The following TAMM41 variants were observed in gnomAD, a reference collection of about 807,000 sequenced individuals.
TAMM41 encodes the protein TAM41 mitochondrial translocator assembly and maintenance homolog.
Under a neutral mutation model 44.1 loss-of-function variants are expected in TAMM41, and 36 were observed. That is an observed-to-expected ratio of 0.82 (90% CI 0.63 to 1.08). The LOEUF (loss-of-function observed/expected upper bound fraction) is 1.08. Ranked by LOEUF, TAMM41 falls within the 50% of genes least tolerant of loss-of-function variation. The pLI, the probability that TAMM41 is intolerant of heterozygous loss-of-function variation, is 0.00. For missense variants in TAMM41, 417 were observed against 404.3 expected, an observed-to-expected ratio of 1.03 and a Z score of -0.27; for synonymous variants, 164 against 153.1, an observed-to-expected ratio of 1.07 and a Z score of -0.53.
Position 11,836,639 on chromosome 3 carries a change from T to C in TAMM41, c.411+2583A>G, listed in dbSNP as rs1206946150. Among the ~76,000 whole-genome samples, 5 of 152,034 alleles carry C rather than the reference T, an allele frequency of 3.3e-5. No homozygotes were observed. In the East Asian group the frequency reaches 7.7e-4, roughly 24 times the overall value. ...CCACCACGCCTGGCTAATTTTTGTA[T>C]GTTCAGAAGATCTGGGGTTTCACTA... is the stretch of plus-strand genomic sequence containing the variant. On this transcript the variant is annotated intron_variant, in intron 3 of 7. Coordinates refer to ENST00000455809, the MANE Select transcript of TAMM41 (RefSeq NM_001284401.2).
the TAMM41 span, among the ~76,000 whole-genome samples, chr3:11,776,934 T>G: frequency 6.6e-6 from 1 of 152,164 alleles, no homozygotes; most frequent in Non-Finnish European, 1.5e-5. Context: ...CTCACTTCTG[T>G]GTGGAATCTG....
At chr3:11,818,939 G>A (rs978590955) in intron 4 of TAMM41, among the ~76,000 whole-genome samples, 1 of 151,288 alleles carries the variant, frequency 6.6e-6, no homozygotes, top group Admixed American at 6.6e-5. Flanking sequence ...TCTGGAACCC[G>A]ATCTTGGTGT....
At chr3:11,784,733 AGTAACTGTAG>A in the TAMM41 span, among the ~76,000 whole-genome samples, 3 of 152,090 alleles carry the variant, frequency 2.0e-5, no homozygotes, top group Non-Finnish European at 2.9e-5. Context: ...AGATGAATAC[AGTAACTGTAG>A]GGACTTTGTT....
the TAMM41 span, among the ~76,000 whole-genome samples, chr3:11,727,490 G>T: frequency 6.6e-6 from 1 of 152,110 alleles, no homozygotes; most frequent in African/African-American, 2.4e-5. Flanking sequence ...TTTCAGACAG[G>T]GTCTTGCTCT....
the TAMM41 span, among the ~76,000 whole-genome samples, chr3:11,726,487 T>C: frequency 0.13 from 19,305 of 152,212 alleles, 1,636 homozygotes; most frequent in East Asian, 0.43. Context: ...TATTAATGTA[T>C]GCTATGGGCA....
intron 3 of TAMM41, among the ~76,000 whole-genome samples, chr3:11,836,242 C>T (rs2079170526): frequency 6.6e-6 from 1 of 152,160 alleles, no homozygotes; most frequent in African/African-American, 2.4e-5. Context: ...CTGTCTGCCT[C>T]AGCCTCCCAA....
intron 7 of TAMM41, among the ~76,000 whole-genome samples, chr3:11,801,568 C>T (rs896447821): frequency 1.3e-5 from 2 of 152,048 alleles, no homozygotes; most frequent in African/African-American, 4.8e-5. Context: ...TCAAGCAATC[C>T]ACCCACCTCA....
intron 4 of TAMM41, among the ~76,000 whole-genome samples, chr3:11,826,431 A>C (rs1351820757): frequency 7.2e-6 from 1 of 139,174 alleles, no homozygotes; most frequent in Non-Finnish European, 1.5e-5. Context: ...TGGGAGTCTG[A>C]GGTGGGAGGG....
the TAMM41 span, among the ~76,000 whole-genome samples, chr3:11,769,544 C>T: frequency 6.6e-6 from 1 of 152,204 alleles, no homozygotes; most frequent in East Asian, 1.9e-4. Context: ...GTGAAAGCAG[C>T]CATAAGACAA....
chr3:11,756,528 T>A, the TAMM41 span, among the ~76,000 whole-genome samples: 1 of 152,284 alleles, frequency 6.6e-6, no homozygotes, highest in East Asian at 1.9e-4. Context: ...TAAATAACCT[T>A]GCTGAGATTA....
chr3:11,772,237 ATTTTT>A, the TAMM41 span, among the ~76,000 whole-genome samples: 6 of 136,380 alleles, frequency 4.4e-5, no homozygotes, highest in African/African-American at 1.6e-4. Flanking sequence ...CAGCTGGCTA[ATTTTT>A]TTTTTTTTTT....
chr3:11,723,611 A>G, the TAMM41 span, among the ~76,000 whole-genome samples: 8 of 151,952 alleles, frequency 5.3e-5, no homozygotes, highest in African/African-American at 1.9e-4. Context: ...ACAAAAAAAA[A>G]ACTTAAGTGA....
At chr3:11,775,154 C>T in the TAMM41 span, among the ~76,000 whole-genome samples, 1 of 152,172 alleles carries the variant, frequency 6.6e-6, no homozygotes, top group Admixed American at 6.6e-5. Flanking sequence ...GCATGAGCCA[C>T]CGCGCCTGGC....
At chr3:11,769,255 A>G in the TAMM41 span, among the ~76,000 whole-genome samples, 1 of 151,994 alleles carries the variant, frequency 6.6e-6, no homozygotes, top group Admixed American at 6.6e-5. Flanking sequence ...ACGCACAGCT[A>G]ATTTTTGTAT....
At chr3:11,774,961 C>G in the TAMM41 span, among the ~76,000 whole-genome samples, 3 of 151,932 alleles carry the variant, frequency 2.0e-5, no homozygotes, top group African/African-American at 7.3e-5. Flanking sequence ...CTCCGCCCCC[C>G]AGGTTCAAGT....
chr3:11,844,326 T>A, intron 1 of TAMM41, 115 bp from the exon 2 acceptor site: 1 of 971,570 alleles, frequency 1.0e-6, no homozygotes, highest in Non-Finnish European at 1.5e-6. Flanking sequence ...GAAGGCCTGG[T>A]GCTGTCATCA....
intron 3 of TAMM41, among the ~76,000 whole-genome samples, chr3:11,832,286 A>C (rs934809052): frequency 1.3e-5 from 2 of 151,956 alleles, no homozygotes; most frequent in East Asian, 1.9e-4. Context: ...AGAAAAACAA[A>C]AAAAAAAAAT....
chr3:11,779,985 T>C, the TAMM41 span, among the ~76,000 whole-genome samples: 1 of 152,192 alleles, frequency 6.6e-6, no homozygotes, highest in Non-Finnish European at 1.5e-5. Context: ...TAGACATCAC[T>C]TCAATCTGTC....
chr3:11,816,962 T>C (rs1162286130), intron 5 of TAMM41: 1 of 451,838 alleles, frequency 2.2e-6, no homozygotes, highest in Non-Finnish European at 3.9e-6. Context: ...TCAAAACAAG[T>C]CCCTCTCCCA....
Sources: allele counts gnomAD v4.1 joint callset (sites outside exome capture counted in the v4.1 genomes callset), GRCh38; gene constraint gnomAD v4.1.1; transcripts MANE v1.5; gene names NCBI Gene and HGNC (gene_info 2026-07-23, HGNC 2026-07-21).